The following HDGFL2 variants were observed in gnomAD, a reference collection of about 807,000 sequenced individuals.
The protein encoded by HDGFL2 is hepatoma-derived growth factor-related protein 2.
A neutral mutation model predicts 77.1 loss-of-function variants in HDGFL2; 36 were observed. That is an observed-to-expected ratio of 0.47 (90% confidence interval 0.36 to 0.62). The LOEUF (loss-of-function observed/expected upper bound fraction) is 0.62. HDGFL2 is among the 20% of genes least tolerant of loss of function. HDGFL2 has a pLI of 0.00. For missense variants in HDGFL2, 976 were observed against 973.4 expected (o/e 1.00, Z -0.04); for synonymous variants, 463 against 413.1 (o/e 1.12, Z -1.46).
chr19:4,493,652 C>T (rs1393702004), intron 6 of HDGFL2, 51 bp from the exon 7 acceptor site: 1 of 1,394,674 alleles, frequency 7.2e-7, no homozygotes, highest in South Asian at 1.7e-5. Flanking sequence ...GTGCGCCCCG[C>T]TTCTCACGGT....
At chr19:4,472,452 G>GC (rs1478210488) in intron 1 of HDGFL2, 30 bp downstream of exon 1, 10 of 264,130 alleles carry the variant, frequency 3.8e-5, no homozygotes, top group South Asian at 1.5e-4. Flanking sequence ...GGGGCCGGTG[G>GC]GGGGGGGGGG....
Position 4,501,973 on chromosome 19 carries a change from C to A in HDGFL2, c.1979C>A (p.Ala660Glu). 6.6e-7 allele frequency: 1 copy of A among 1,512,262 alleles called. No homozygotes were observed. Among genetic ancestry groups the A allele is most frequent in the Non-Finnish European group, 8.8e-7 (1 of 1,136,758 alleles). 93.7% of individuals were successfully genotyped at this position (1,512,262 alleles called of 1,614,324 possible). A position where few individuals can be genotyped will look rare whatever the true frequency, so the allele number is the denominator to read the frequency against. ...PGSDRQERER[A>E]RGDSEALDEE... is the part of the protein sequence containing the mutation. ...AGCGACCGGCAGGAGCGCGAGAGGG[C>A]ACGGGGGGACTCGGAGGCCCTGGAC... Residue 660 changes from alanine (A) to glutamate (E), a missense_variant, in exon 16 of 16, where the codon GCA becomes GAA. Ala to Glu is a moderately radical substitution (Grantham distance 107). Around this residue, in one of 5 missense-constraint regions of HDGFL2, gnomAD observed 229 missense variants for 187.3 expected, o/e 1.22. Coordinates refer to ENST00000616600, the MANE Select transcript of HDGFL2 (RefSeq NM_001001520.3).
At chr19:4,485,153 TCCC>T (rs1221505834) in intron 3 of HDGFL2, among the ~76,000 whole-genome samples, 1 of 152,068 alleles carries the variant, frequency 6.6e-6, no homozygotes, top group Non-Finnish European at 1.5e-5. Context: ...CTGCTAGGTA[TCCC>T]CCCAATTCTC....
Position 4,494,012 on chromosome 19 carries a change from G to T in HDGFL2, c.869G>T (p.Arg290Leu), listed in dbSNP as rs1424541687. The part of the protein sequence containing the change: ...AEKPLPKPRG[R>L]KPKPERPPSS... ...AAGCCTCTCCCGAAGCCGCGAGGGCGGAAACCGAAGCCTGAACGGCCTCCG... is the reference window on the plus strand; with the variant it reads ...AAGCCTCTCCCGAAGCCGCGAGGGCTGAAACCGAAGCCTGAACGGCCTCCG... Residue 290 changes from arginine (R) to leucine (L), a missense_variant, in exon 8 of 16, where the codon CGG becomes CTG. Transcript: ENST00000616600. 6.2e-7 allele frequency: 1 copy of T among 1,611,746 alleles called. No homozygotes were observed. The highest frequency in any genetic ancestry group is 1.3e-5 in the African/African-American group (1 of 75,030).
At position 4,495,385 on chromosome 19, in the gene HDGFL2, C is replaced by CAA. The variant is rs747305046; in HGVS notation, c.1225-894_1225-893dup. 4.3e-3 allele frequency among the ~76,000 whole-genome samples: 232 copies of CAA among 53,962 alleles called. 12 individuals are homozygous for CAA. The highest frequency in any genetic ancestry group is 0.013 in the East Asian group (24 of 1,792). 35.4% of individuals were successfully genotyped at this position (53,962 alleles called of 152,430 possible). A position where few individuals can be genotyped will look rare whatever the true frequency, so the allele number is the denominator to read the frequency against. On this transcript the variant is annotated intron_variant, in intron 9 of 15. Transcript: ENST00000616600. ...CCTGGGCCAGAGCGAGACTCCATCT[C>CAA]AAAAAAAAAAAAAAAAAAAAAAAAT...
At chr19:4,489,330 T>C (rs896476906) in intron 4 of HDGFL2, among the ~76,000 whole-genome samples, 1 of 151,516 alleles carries the variant, frequency 6.6e-6, no homozygotes, top group Non-Finnish European at 1.5e-5. Flanking sequence ...CTTGGCTCAC[T>C]GCACCCTCTG....
rs775179360 is a variant in HDGFL2 at position 4,501,909 on chromosome 19, A to C, written c.1917-2A>C. On this transcript the variant is annotated splice_acceptor_variant, in intron 15 of 15. Transcript: ENST00000616600. LOFTEE classifies it high-confidence loss of function. ...TCACACCGCCTTTGCTGTTCCCACC[A>C]GCAGCGTACGGGAGGGTCCCGACCT... 30 of 1,452,152 alleles carry C rather than the reference A, an allele frequency of 2.1e-5. No individual in the cohort carries two copies. The Middle Eastern group carries it at 2.3e-3, about 110-fold the overall frequency. 90.0% of individuals were successfully genotyped at this position (1,452,152 alleles called of 1,614,324 possible). A position where few individuals can be genotyped will look rare whatever the true frequency, so the allele number is the denominator to read the frequency against.
intron 3 of HDGFL2, among the ~76,000 whole-genome samples, chr19:4,483,893 G>A (rs978500304): frequency 6.7e-6 from 1 of 149,304 alleles, no homozygotes; most frequent in Non-Finnish European, 1.5e-5. Context: ...GTGTTCAAGC[G>A]ATTCTCCTGC....
chr19:4,493,882 A>G lies in HDGFL2; in HGVS notation c.838+20A>G. 2 of 1,506,498 alleles carry G rather than the reference A, an allele frequency of 1.3e-6. No homozygotes were observed. The highest frequency in any genetic ancestry group is 1.8e-6 in the Non-Finnish European group (2 of 1,120,574). 93.3% of individuals were successfully genotyped at this position (1,506,498 alleles called of 1,614,324 possible). ...AGCCAGGTAGGGCCCTCGTGCTCGC[A>G]CATCTCTTGGCCTGGCCCCTGCCGG... On this transcript the variant is annotated intron_variant, in intron 7 of 15. Coordinates refer to ENST00000616600, the MANE Select transcript of HDGFL2 (RefSeq NM_001001520.3).
chr19:4,494,200 A>G lies in HDGFL2; in HGVS notation c.949A>G (p.Lys317Glu). ...CGAGGTGGACCGCATCAGTGAGTGG[A>G]AGCGGCGGGACGAGGCGCGGAGGCG... Reference protein sequence around the residue: ...SDEVDRISEWKRRDEARRREL... With the variant: ...SDEVDRISEWERRDEARRREL... Residue 317 changes from lysine to glutamate, a missense_variant, in exon 9 of 16, where the codon AAG becomes GAG. This residue lies in a region of HDGFL2 where 567 missense variants were observed against 534.7 expected (regional missense o/e 1.06). Transcript: ENST00000616600. The G allele has an allele frequency of 6.8e-7, 1 of 1,479,172 alleles. No homozygotes were observed. Among genetic ancestry groups the G allele is most frequent in the Non-Finnish European group, 8.9e-7 (1 of 1,118,306 alleles). The allele number at this position is 1,479,172 out of a possible 1,614,324, so 91.6% of individuals were successfully genotyped here.
At chr19:4,492,129 A>G (rs1201103704) in intron 6 of HDGFL2, among the ~76,000 whole-genome samples, 1 of 152,164 alleles carries the variant, frequency 6.6e-6, no homozygotes, top group Non-Finnish European at 1.5e-5. Flanking sequence ...AGAGCGCGAG[A>G]GGGACACAGA....
rs1385956769 is a variant in HDGFL2 at position 4,491,612 on chromosome 19, A to G, written c.536A>G (p.Gln179Arg). ...RARKASSDLD[Q>R]ASVSPSEEEN... ...CGAAAGGCCTCCAGCGACCTGGATC[A>G]GGCCAGCGTGTCCCCATCCGAAGAG... Residue 179 changes from glutamine (Q) to arginine (R), a missense_variant, in exon 5 of 16, where the codon CAG becomes CGG. By Grantham distance (43) the Gln-to-Arg change is conservative. Around this residue, in one of 5 missense-constraint regions of HDGFL2, gnomAD observed 567 missense variants for 534.7 expected, o/e 1.06. Transcript: ENST00000616600. 1 of 1,613,860 alleles carries G rather than the reference A, an allele frequency of 6.2e-7. No homozygotes were observed. Among genetic ancestry groups the G allele is most frequent in the African/African-American group, 1.3e-5 (1 of 74,928 alleles).
At chr19:4,492,101 TGA>T (rs1028101391) in intron 6 of HDGFL2, among the ~76,000 whole-genome samples, 2 of 151,718 alleles carry the variant, frequency 1.3e-5, no homozygotes, top group African/African-American at 4.8e-5. Flanking sequence ...TGCATGAGAG[TGA>T]GAGAGTGAGA....
chr19:4,496,256 A>T lies in HDGFL2; in HGVS notation c.1225-46A>T, dbSNP rs748995190. The T allele has an allele frequency of 3.3e-6, 5 of 1,503,536 alleles. No individual in the cohort carries two copies. The South Asian group carries it at 4.5e-5, about 14-fold the overall frequency. The allele number at this position is 1,503,536 out of a possible 1,614,324, so 93.1% of individuals were successfully genotyped here. A position where few individuals can be genotyped will look rare whatever the true frequency, so the allele number is the denominator to read the frequency against. The stretch of plus-strand genomic sequence containing the variant: ...GTGGGATGGGCTAGGGGTCTGGGTA[A>T]TCCCCTCTTCCCACTGCTCCAGCGC... On this transcript the variant is annotated intron_variant, in intron 9 of 15. Coordinates refer to ENST00000616600, the MANE Select transcript of HDGFL2 (RefSeq NM_001001520.3).
intron 14 of HDGFL2, among the ~76,000 whole-genome samples, chr19:4,500,650 A>G (rs1252733007): frequency 6.6e-6 from 1 of 152,046 alleles, no homozygotes; most frequent in East Asian, 1.9e-4. Flanking sequence ...TTTAGTAGAG[A>G]TGGGGTTTCA....
intron 3 of HDGFL2, among the ~76,000 whole-genome samples, chr19:4,483,350 C>G (rs1200591304): frequency 1.3e-5 from 2 of 152,206 alleles, no homozygotes; most frequent in East Asian, 3.9e-4. Context: ...AGCCTCTCCT[C>G]CCGGCGCGGG....
chr19:4,493,795 C>G lies in HDGFL2; in HGVS notation c.771C>G (p.Ser257=). 1.7e-5 allele frequency: 27 copies of G among 1,542,884 alleles called. No individual in the cohort carries two copies. Among genetic ancestry groups the G allele is most frequent in the Non-Finnish European group, 2.4e-5 (27 of 1,141,244 alleles). ...PVAMARSASS[S]SSSSSSSDSD... is the part of the protein sequence containing the mutation. ...CCATGGCGCGGTCGGCGTCCTCCTC[C>G]TCCTCTTCCTCCTCCTCCTCCGACT... Residue 257 remains serine (S), a synonymous_variant, in exon 7 of 16, where the codon TCC becomes TCG. Transcript: ENST00000616600.
Position 4,488,767 on chromosome 19 carries a change from C to T in HDGFL2, c.380C>T (p.Ala127Val), listed in dbSNP as rs1345768617. ...DEDDEDRGVM[A>V]VTAVTATAAS... ...GACGATGAGGACCGGGGGGTCATGG[C>T]CGTCACAGCGGTAACCGCCACAGCT... Residue 127 changes from alanine to valine, a missense_variant, in exon 4 of 16, where the codon GCC (alanine) becomes GTC (valine). Ala to Val is a moderately conservative substitution (Grantham distance 64). Transcript: ENST00000616600. 3 of 1,552,418 alleles carry T rather than the reference C, an allele frequency of 1.9e-6. No homozygotes were observed. The highest frequency in any genetic ancestry group is 1.4e-5 in the African/African-American group (1 of 73,158).
intron 10 of HDGFL2, chr19:4,497,308 C>G: frequency 2.7e-6 from 1 of 370,370 alleles, no homozygotes; most frequent in Non-Finnish European, 5.3e-6. Context: ...AGCGATTTTC[C>G]TAGCTCAGCC....
Sources: gnomAD v4.1 joint callset for allele counts (sites outside exome capture counted in the v4.1 genomes callset) on GRCh38, gnomAD v4.1.1 for gene constraint, gnomAD v4.1.1 regional missense constraint, MANE v1.5 for transcripts, NCBI Gene and HGNC (gene_info 2026-07-23, HGNC 2026-07-21) for gene names.